The following PTPRZ1 variants were observed in gnomAD, a reference collection of about 807,000 sequenced individuals.
The protein encoded by PTPRZ1 is receptor-type tyrosine-protein phosphatase zeta.
PTPRZ1 carries 82 observed loss-of-function variants against 214.1 expected under a neutral mutation model. The observed-to-expected ratio is 0.38, with a 90% CI of 0.32 to 0.46. PTPRZ1 has a LOEUF of 0.46. Ranked by LOEUF, PTPRZ1 falls within the 20% of genes least tolerant of loss-of-function variation. The pLI, the probability that PTPRZ1 is intolerant of heterozygous loss-of-function variation, is 1.00. For synonymous variants in PTPRZ1, 945 were observed against 987.9 expected (o/e 0.96, Z 0.81); for missense variants, 2,603 against 2,748.7 (o/e 0.95, Z 1.19).
chr7:121,953,868 G>A (rs1796631186), intron 2 of PTPRZ1, among the ~76,000 whole-genome samples: 3 of 152,100 alleles, frequency 2.0e-5, no homozygotes, highest in African/African-American at 7.2e-5. Context: ...TTGTACAATG[G>A]CCGTAAAGGA....
chr7:122,048,949 T>C (rs1194721509), intron 23 of PTPRZ1, among the ~76,000 whole-genome samples: 1 of 152,108 alleles, frequency 6.6e-6, no homozygotes, highest in East Asian at 1.9e-4. Flanking sequence ...GTATCAATAA[T>C]CTTATTTAAA....
intron 8 of PTPRZ1, among the ~76,000 whole-genome samples, chr7:121,993,279 C>A (rs189771471): frequency 1.3e-5 from 2 of 151,702 alleles, no homozygotes; most frequent in African/African-American, 2.4e-5. Context: ...TGGCCGGGTG[C>A]GGTGACTCAT....
intron 2 of PTPRZ1, among the ~76,000 whole-genome samples, chr7:121,952,294 G>C (rs1322835653): frequency 6.6e-6 from 1 of 151,744 alleles, no homozygotes. Context: ...GTTTTTTTTA[G>C]CATAATAAAG....
At chr7:121,970,487 C>T (rs1180808524) in intron 3 of PTPRZ1, among the ~76,000 whole-genome samples, 10 of 151,896 alleles carry the variant, frequency 6.6e-5, no homozygotes, top group Admixed American at 1.3e-4. Flanking sequence ...TTTTAATGAT[C>T]ACCATTCTAA....
Position 121,996,492 on chromosome 7 carries a change from G to A in PTPRZ1, c.1039G>A (p.Ala347Thr). ...TTATGATACCATGATTGAGAAGTTT[G>A]CAGTTTTGTACCAGCAGTTGGATGG... ...VVYDTMIEKF[A>T]VLYQQLDGED... The change falls in exon 9 of 30, where the codon GCA becomes ACA. Residue 347 changes from alanine to threonine, a missense_variant. By Grantham distance (58) the Ala-to-Thr change is moderately conservative. Coordinates refer to ENST00000393386, the MANE Select transcript of PTPRZ1 (RefSeq NM_002851.3). The A allele has an allele frequency of 7.4e-7, 1 of 1,343,432 alleles. No homozygotes were observed. Among genetic ancestry groups the A allele is most frequent in the Non-Finnish European group, 1.0e-6 (1 of 975,628 alleles). The allele number at this position is 1,343,432 out of a possible 1,614,324, so 83.2% of individuals were successfully genotyped here.
In PTPRZ1 at chr7:121,968,072, T is replaced by G; in HGVS notation, c.246T>G (p.Phe82Leu). 1.9e-6 allele frequency: 3 copies of G among 1,607,782 alleles called. No individual in the cohort carries two copies. Among genetic ancestry groups the G allele is most frequent in the Non-Finnish European group, 2.6e-6 (3 of 1,176,212 alleles). The change falls in exon 3 of 30, where the codon TTT (phenylalanine) becomes TTG (leucine). Residue 82 changes from phenylalanine to leucine, a missense_variant. Phe to Leu is a conservative substitution (Grantham distance 22). Around this residue, in one of 6 missense-constraint regions of PTPRZ1, gnomAD observed 141 missense variants for 143.7 expected, o/e 0.98. Transcript: ENST00000393386. ...QVNVNLKKLK[F>L]QGWDKTSLEN... ...ATGTGAATCTTAAGAAACTTAAATT[T>G]CAGGGTTGGGATAAAACATCATTGG...
intron 27 of PTPRZ1, among the ~76,000 whole-genome samples, chr7:122,057,964 G>A (rs928135950): frequency 1.2e-5 from 1 of 85,860 alleles, no homozygotes; most frequent in African/African-American, 9.7e-5. Context: ...GTGTGTGTGT[G>A]TGTGTATATA....
In PTPRZ1 at chr7:121,936,174, TTCAAGGAGCAAAAAGATAAAAAATCATTA is replaced by T. The variant is rs1287448211; in HGVS notation, c.124+7972_124+8000del. ...ATTCTGACTCTTTAAACCAAGAATT[TTCAAGGAGCAAAAAGATAAAAAATCATTA>T]TCAAGGAGCAAAAAGATAGAAAAAT... On this transcript the variant is annotated intron_variant, in intron 2 of 29. Transcript: ENST00000393386. Among the ~76,000 whole-genome samples, 20 of 152,242 alleles carry T rather than the reference TTCAAGGAGCAAAAAGATAAAAAATCATTA, an allele frequency of 1.3e-4. No homozygotes were observed. In the East Asian group the frequency reaches 2.9e-3, roughly 22 times the overall value.
chr7:122,034,003 T>C lies in PTPRZ1; in HGVS notation c.5167-92T>C, dbSNP rs979102618. The C allele has an allele frequency of 4.3e-6, 5 of 1,166,930 alleles. No homozygotes were observed. The African/African-American group carries it at 6.2e-5, about 14-fold the overall frequency. 72.3% of individuals were successfully genotyped at this position (1,166,930 alleles called of 1,614,324 possible). ...TTTATTGCATGATCATAGTTTTCCA[T>C]TGTAAACCTAATATGAACGCTTTTT... On this transcript the variant is annotated intron_variant, in intron 15 of 29. Coordinates refer to ENST00000393386, the MANE Select transcript of PTPRZ1 (RefSeq NM_002851.3).
chr7:121,924,880 G>A (rs1379228458), intron 1 of PTPRZ1, among the ~76,000 whole-genome samples: 1 of 152,140 alleles, frequency 6.6e-6, no homozygotes, highest in Admixed American at 6.5e-5. Context: ...GTTAAATCAC[G>A]TATATAGTCA....
intron 10 of PTPRZ1, among the ~76,000 whole-genome samples, chr7:122,003,440 A>G (rs1798384698): frequency 6.6e-6 from 1 of 152,192 alleles, no homozygotes. Context: ...TTCTCATTTT[A>G]TGGTTTTCAA....
At chr7:122,032,092 T>C (rs1799396398) in intron 15 of PTPRZ1, 1 of 152,214 alleles carries the variant, frequency 6.6e-6, no homozygotes, top group African/African-American at 2.4e-5. Flanking sequence ...AATGATATTC[T>C]GTTAAAATAC....
Position 122,061,160 on chromosome 7 carries a change from C to A in PTPRZ1, c.6888C>A (p.Asp2296Glu). ...RQEENPSTSLDSNGAALPDGN... is the reference protein window; with the variant it reads ...RQEENPSTSLESNGAALPDGN... Reference sequence around the variant, plus strand: ...AAGAGAATCCATCCACCTCTCTGGACAGTAATGGTGCAGCATTGCCTGATG... The same window carrying A: ...AAGAGAATCCATCCACCTCTCTGGAAAGTAATGGTGCAGCATTGCCTGATG... The change falls in exon 30 of 30, where the codon GAC (aspartate) becomes GAA (glutamate). Residue 2296 changes from aspartate (D) to glutamate (E), a missense_variant. Transcript: ENST00000393386. 1 of 1,610,782 alleles carries A rather than the reference C, an allele frequency of 6.2e-7. No individual in the cohort carries two copies. Among genetic ancestry groups the A allele is most frequent in the Non-Finnish European group, 8.5e-7 (1 of 1,177,922 alleles).
Position 121,909,216 on chromosome 7 carries a change from G to A in PTPRZ1, c.59-18940G>A, listed in dbSNP as rs185824497. Among the ~76,000 whole-genome samples the A allele has an allele frequency of 7.9e-5, 12 of 152,226 alleles. 1 individual carries two copies. The highest frequency in any genetic ancestry group is 2.9e-4 in the African/African-American group (12 of 41,544). ...TCTTGTGACTCTTTTTTCAGAAGCTGCTGGAGTATATGCTCCAGTGCTCAC... is the reference window on the plus strand; with the variant it reads ...TCTTGTGACTCTTTTTTCAGAAGCTACTGGAGTATATGCTCCAGTGCTCAC... On this transcript the variant is annotated intron_variant, in intron 1 of 29. Transcript: ENST00000393386.
intron 23 of PTPRZ1, among the ~76,000 whole-genome samples, chr7:122,050,887 C>T (rs575467429): frequency 2.6e-5 from 4 of 152,114 alleles, no homozygotes; most frequent in Middle Eastern, 3.4e-3. Context: ...CTATGGAAAC[C>T]GTCACACATG....
chr7:122,010,508 G>A lies in PTPRZ1; in HGVS notation c.1462G>A (p.Glu488Lys). ...TAACCGATCCCCAACAAGAGGAAGT[G>A]AATTCTCTGGAAAGGGTGATGTTCC... ...KTNRSPTRGSEFSGKGDVPNT... is the reference protein window; with the variant it reads ...KTNRSPTRGSKFSGKGDVPNT... The change falls in exon 12 of 30, where the codon GAA becomes AAA. Residue 488 changes from glutamate to lysine, a missense_variant. By Grantham distance (56) the Glu-to-Lys change is moderately conservative. This residue lies in a region of PTPRZ1 where 1,913 missense variants were observed against 1,914.3 expected (regional missense o/e 1.00). Transcript: ENST00000393386. 1.4e-5 allele frequency: 22 copies of A among 1,614,016 alleles called. No homozygotes were observed. The highest frequency in any genetic ancestry group is 1.8e-5 in the Non-Finnish European group (21 of 1,179,932).
intron 14 of PTPRZ1, among the ~76,000 whole-genome samples, chr7:122,030,594 GT>G (rs201780611): frequency 2.6e-5 from 4 of 151,340 alleles, no homozygotes; most frequent in East Asian, 1.9e-4. Context: ...ATGGATTCCA[GT>G]TTTTTTTTAT....
At chr7:122,002,167 T>C (rs1039034835) in intron 10 of PTPRZ1, among the ~76,000 whole-genome samples, 2 of 152,176 alleles carry the variant, frequency 1.3e-5, no homozygotes, top group Admixed American at 6.5e-5. Context: ...TATTTCAAAA[T>C]TGTTATGAAG....
intron 4 of PTPRZ1, among the ~76,000 whole-genome samples, chr7:121,974,873 CT>C (rs199978721): frequency 0.012 from 1,836 of 152,276 alleles, 27 homozygotes; most frequent in African/African-American, 0.042. Context: ...TATTTCTTAT[CT>C]CCTACATCTC....
Sources: allele counts gnomAD v4.1 joint callset (sites outside exome capture counted in the v4.1 genomes callset), GRCh38; gene constraint gnomAD v4.1.1; regional missense constraint gnomAD v4.1.1; transcripts MANE v1.5; gene names NCBI Gene and HGNC (gene_info 2026-07-23, HGNC 2026-07-21).